The following ADGRL2 variants were observed in gnomAD, a reference collection of about 807,000 sequenced individuals.
The protein encoded by ADGRL2 is adhesion G protein-coupled receptor L2.
A neutral mutation model predicts 157.4 loss-of-function variants in ADGRL2; 44 were observed. That is an observed-to-expected ratio of 0.28 (90% CI 0.22 to 0.36). The LOEUF is 0.36. Ranked by LOEUF, ADGRL2 falls within the 10% of genes least tolerant of loss-of-function variation. ADGRL2 has a pLI of 1.00. For synonymous variants in ADGRL2, 585 were observed against 624.7 expected (o/e 0.94, Z 0.95); for missense variants, 1,510 against 1,768.9 (o/e 0.85, Z 2.63).
Position 81,981,896 on chromosome 1 carries a change from G to A in ADGRL2, c.3202G>A (p.Val1068Met), listed in dbSNP as rs1294417972. Residue 1068 changes from valine (V) to methionine (M), a missense_variant, in exon 19 of 24, where the codon GTG becomes ATG. Transcript: ENST00000686636. Reference protein sequence around the residue: ...GLLFINEETIVMAYLFTIFNA... With the variant: ...GLLFINEETIMMAYLFTIFNA... ...GCTTTTTATTAATGAGGAGACTATTGTGATGGCATATCTCTTCACTATATT... is the reference window on the plus strand; with the variant it reads ...GCTTTTTATTAATGAGGAGACTATTATGATGGCATATCTCTTCACTATATT... 3.1e-6 allele frequency: 5 copies of A among 1,612,082 alleles called. No individual in the cohort carries two copies. The highest frequency in any genetic ancestry group is 1.3e-5 in the African/African-American group (1 of 74,862).
At chr1:81,795,077 T>C (rs1407165432) in intron 2 of ADGRL2, among the ~76,000 whole-genome samples, 1 of 152,204 alleles carries the variant, frequency 6.6e-6, no homozygotes, top group Non-Finnish European at 1.5e-5. Flanking sequence ...TTATACAATG[T>C]TATGCTATAA....
intron 2 of ADGRL2, chr1:81,445,117 C>T (rs2077575704): frequency 6.6e-6 from 1 of 152,178 alleles, no homozygotes; most frequent in Non-Finnish European, 1.5e-5. Context: ...AAATAAGATA[C>T]AATAGCTTCA....
chr1:81,646,646 T>C (rs2082320850), intron 3 of ADGRL2, among the ~76,000 whole-genome samples: 1 of 152,170 alleles, frequency 6.6e-6, no homozygotes, highest in Non-Finnish European at 1.5e-5. Flanking sequence ...CAGAAATATT[T>C]TCCTCCCAGT....
Position 81,955,886 on chromosome 1 carries a change from G to T in ADGRL2, c.1843G>T (p.Asp615Tyr), listed in dbSNP as rs1553203418. The change falls in exon 11 of 24, where the codon GAC becomes TAC. Residue 615 changes from aspartate to tyrosine, a missense_variant. Around this residue, in one of 4 missense-constraint regions of ADGRL2, gnomAD observed 325 missense variants for 333.2 expected, o/e 0.98. Transcript: ENST00000686636. The stretch of plus-strand genomic sequence containing the variant: ...TTTCTAATGGATACAGGCAATTGTT[G>T]ACACAGTGGACAACCTTCTGAGACC... ...TCRAYLKAIV[D>Y]TVDNLLRPEA... 1 of 1,578,988 alleles carries T rather than the reference G, an allele frequency of 6.3e-7. No individual in the cohort carries two copies. The highest frequency in any genetic ancestry group is 1.2e-5 in the South Asian group (1 of 85,116).
At chr1:81,712,442 T>C (rs941892272) in intron 1 of ADGRL2, among the ~76,000 whole-genome samples, 1 of 152,224 alleles carries the variant, frequency 6.6e-6, no homozygotes, top group Non-Finnish European at 1.5e-5. Context: ...ATTGAATTCC[T>C]AACATATGAC....
intron 2 of ADGRL2, among the ~76,000 whole-genome samples, chr1:81,458,234 A>G (rs1322366038): frequency 2.0e-5 from 3 of 152,114 alleles, no homozygotes; most frequent in Admixed American, 2.0e-4. Context: ...TATTGTGGTA[A>G]GAATACTTAC....
chr1:81,935,090 T>G (rs1461842250), intron 3 of ADGRL2, among the ~76,000 whole-genome samples: 1 of 152,010 alleles, frequency 6.6e-6, no homozygotes, highest in Non-Finnish European at 1.5e-5. Context: ...TAAACCTACC[T>G]CTTGTCTTGA....
At chr1:81,326,190 A>G (rs1660888291) in intron 1 of ADGRL2, among the ~76,000 whole-genome samples, 1 of 152,216 alleles carries the variant, frequency 6.6e-6, no homozygotes. Context: ...CAGAGATTTG[A>G]GGCAAAGCTT....
rs771600639 is a variant in ADGRL2 at position 81,966,119 on chromosome 1, C to T, written c.2079C>T (p.Gly693=). Residue 693 remains glycine (G), a synonymous_variant, in exon 12 of 24, where the codon GGC becomes GGT. Coordinates refer to ENST00000686636, the MANE Select transcript of ADGRL2 (RefSeq NM_001366006.2). ...TCCAAGACTTTAAATTTCCTCTGGGCATCAAAGGAGCAGGCAGCTCAATCC... is the reference window on the plus strand; with the variant it reads ...TCCAAGACTTTAAATTTCCTCTGGGTATCAAAGGAGCAGGCAGCTCAATCC... The part of the protein sequence containing the change: ...GQIQDFKFPL[G]IKGAGSSIQL... 2 of 1,613,712 alleles carry T rather than the reference C, an allele frequency of 1.2e-6. No homozygotes were observed. Among genetic ancestry groups the T allele is most frequent in the South Asian group, 2.2e-5 (2 of 91,076 alleles).
intron 3 of ADGRL2, among the ~76,000 whole-genome samples, chr1:81,908,158 A>C (rs984558680): frequency 1.2e-4 from 19 of 152,226 alleles, no homozygotes; most frequent in Admixed American, 2.0e-4. Flanking sequence ...CTTATAGTCT[A>C]AGTGTGTAGT....
intron 3 of ADGRL2, among the ~76,000 whole-genome samples, chr1:81,623,777 C>T (rs1157391991): frequency 6.6e-6 from 1 of 151,574 alleles, no homozygotes; most frequent in Non-Finnish European, 1.5e-5. Context: ...GCTGGGATTA[C>T]AGGCGTGCGC....
chr1:81,482,850 A>T (rs1025104468), intron 2 of ADGRL2, among the ~76,000 whole-genome samples: 1 of 151,348 alleles, frequency 6.6e-6, no homozygotes. Flanking sequence ...TATTTTATAC[A>T]TTATATTTAT....
intron 1 of ADGRL2, among the ~76,000 whole-genome samples, chr1:81,310,563 C>G (rs1481933325): frequency 6.6e-6 from 1 of 152,142 alleles, no homozygotes; most frequent in African/African-American, 2.4e-5. Flanking sequence ...TACCAGCATT[C>G]TTTTTAGATC....
At position 81,474,437 on chromosome 1, in the gene ADGRL2, A is replaced by G. The variant is rs143775943; in HGVS notation, c.-248+29348A>G. On this transcript the variant is annotated intron_variant, in intron 2 of 24. Transcript: ENST00000370721. ...TGGATGAATAGATGAATCTGACATG[A>G]TATGATTGAAGCAGTAGTTGGATGG... Among the ~76,000 whole-genome samples the G allele has an allele frequency of 2.7e-4, 41 of 152,282 alleles. 1 individual carries two copies. The East Asian group carries it at 7.1e-3, about 27-fold the overall frequency.
chr1:81,330,876 G>C (rs940940936), intron 1 of ADGRL2, among the ~76,000 whole-genome samples: 1 of 152,100 alleles, frequency 6.6e-6, no homozygotes, highest in African/African-American at 2.4e-5. Context: ...GTTGCTCAAC[G>C]GATGTTTTAA....
intron 1 of ADGRL2, among the ~76,000 whole-genome samples, chr1:81,716,930 T>G (rs969190440): frequency 4.6e-5 from 7 of 152,194 alleles, no homozygotes; most frequent in Non-Finnish European, 1.0e-4. Flanking sequence ...GTTTTTGATC[T>G]TCAGTCTTCT....
At chr1:81,584,930 C>T (rs1024641583) in intron 3 of ADGRL2, among the ~76,000 whole-genome samples, 3 of 152,046 alleles carry the variant, frequency 2.0e-5, no homozygotes, top group Non-Finnish European at 2.9e-5. Flanking sequence ...AAATCCTAAG[C>T]GCTGGCTGAA....
At chr1:81,642,675 C>A (rs1281439585) in intron 3 of ADGRL2, among the ~76,000 whole-genome samples, 3 of 152,042 alleles carry the variant, frequency 2.0e-5, no homozygotes, top group Non-Finnish European at 4.4e-5. Context: ...ATGCAAAAAT[C>A]TTCAACAAAA....
At chr1:81,680,119 C>G (rs995248239) in intron 3 of ADGRL2, among the ~76,000 whole-genome samples, 41 of 152,174 alleles carry the variant, frequency 2.7e-4, no homozygotes, top group Non-Finnish European at 5.4e-4. Context: ...ATGCACTGTT[C>G]CCTTGGGCTC....
Sources: gnomAD v4.1 joint callset for allele counts (sites outside exome capture counted in the v4.1 genomes callset) on GRCh38, gnomAD v4.1.1 for gene constraint, gnomAD v4.1.1 regional missense constraint, MANE v1.5 for transcripts, NCBI Gene and HGNC (gene_info 2026-07-23, HGNC 2026-07-21) for gene names.